Variants in SLC16A5 observed in about 807,000 individuals in gnomAD.
SLC16A5 encodes monocarboxylate transporter 6.
A neutral mutation model predicts 33.2 loss-of-function variants in SLC16A5; 29 were observed. The ratio of observed to expected loss-of-function variants is 0.87; its 90% CI spans 0.65 to 1.19. SLC16A5 has a LOEUF of 1.19. Among genes scored for constraint, SLC16A5 ranks in the 50% most tolerant of loss-of-function variants. The probability of loss-of-function intolerance (pLI) is 0.00; values close to 1 mark genes in which losing one functional copy is unlikely to be tolerated. For missense variants in SLC16A5, 606 were observed against 678.2 expected, an observed-to-expected ratio of 0.89 and a Z score of 1.18; for synonymous variants, 248 against 284.1, an observed-to-expected ratio of 0.87 and a Z score of 1.28.
At chr17:75,089,514 G>A (rs1301682498) in intron 2 of SLC16A5, among the ~76,000 whole-genome samples, 1 of 152,004 alleles carries the variant, frequency 6.6e-6, no homozygotes, top group Non-Finnish European at 1.5e-5. Context: ...CAGCACTTTG[G>A]GAGGCTGAGG....
intron 4 of SLC16A5, 97 bp from the exon 5 acceptor site, chr17:75,099,910 G>A: frequency 2.6e-6 from 3 of 1,141,818 alleles, no homozygotes; most frequent in Non-Finnish European, 3.7e-6. Context: ...TAGAACCAGA[G>A]GAGGGCAGGT....
rs557036356 is a variant in SLC16A5, at chr17:75,098,167, C to A, written c.329C>A (p.Ala110Glu). The change falls in exon 4 of 7, where the codon GCA (alanine) becomes GAA (glutamate). Residue 110 changes from alanine to glutamate, a missense_variant. Ala to Glu is a moderately radical substitution (Grantham distance 107). Transcript: ENST00000329783. Reference sequence around the variant, plus strand: ...AACCTCAGCCAGCTCTACTTCACAGCAGGATTCATCACAGGTGACTATCAC... The same window carrying A: ...AACCTCAGCCAGCTCTACTTCACAGAAGGATTCATCACAGGTGACTATCAC... ...SHNLSQLYFT[A>E]GFITGLGMCF... 2 of 1,613,132 alleles carry A rather than the reference C, an allele frequency of 1.2e-6. No individual in the cohort carries two copies. Among genetic ancestry groups the A allele is most frequent in the East Asian group, 4.5e-5 (2 of 44,756 alleles).
At chr17:75,096,610 AACCTCCACCT>A (rs2073721927) in intron 3 of SLC16A5, among the ~76,000 whole-genome samples, 1 of 148,636 alleles carries the variant, frequency 6.7e-6, no homozygotes, top group Non-Finnish European at 1.5e-5. Context: ...GGCTCACTGC[AACCTCCACCT>A]CCCGGGTTCA....
intron 6 of SLC16A5, chr17:75,104,818 C>G (rs1408324204): frequency 3.0e-6 from 3 of 985,236 alleles, no homozygotes; most frequent in Non-Finnish European, 3.6e-6. Flanking sequence ...CCTTGGGTAC[C>G]AGGGTACTCG....
rs758387023 is a variant in SLC16A5, at chr17:75,100,582, C to G, written c.919C>G (p.Leu307Val). ...GGCCTTTGCTAGCCACCGCAAGTAC[C>G]TGTTCAGCCTGGCACTCCTGCTCAA... ...RPAFASHRKY[L>V]FSLALLLNGL... is the part of the protein sequence containing the mutation. Residue 307 changes from leucine (L) to valine (V), a missense_variant, in exon 5 of 7, where the codon CTG (leucine) becomes GTG (valine). Transcript: ENST00000329783. The G allele has an allele frequency of 1.9e-6, 3 of 1,614,242 alleles. No homozygotes were observed. Among genetic ancestry groups the G allele is most frequent in the South Asian group, 2.2e-5 (2 of 91,090 alleles).
In SLC16A5 at chr17:75,105,984, C is replaced by A; in HGVS notation, c.1469C>A (p.Ala490Glu). Residue 490 changes from alanine to glutamate, a missense_variant, in exon 7 of 7, where the codon GCG becomes GAG. Transcript: ENST00000329783. ...TSHEWLLWPK[A>E]VLQAKQTALG... ...CATGAGTGGCTCTTATGGCCAAAGG[C>A]GGTACTGCAGGCCAAGCAAACGGCT... 1 of 1,608,068 alleles carries A rather than the reference C, an allele frequency of 6.2e-7. No homozygotes were observed. Among genetic ancestry groups the A allele is most frequent in the East Asian group, 2.2e-5 (1 of 44,672 alleles).
At position 75,088,004 on chromosome 17, in the gene SLC16A5, G is replaced by A. The variant is rs1042329380; in HGVS notation, c.-243G>A. On this transcript the variant is annotated 5_prime_UTR_variant, in exon 1 of 7. Transcript: ENST00000329783. ...GCCCGGGCCGCAGGACGCCGCGCTC[G>A]GGGGAGCTGAGCCACCTCTCCGCCA... 3.9e-5 allele frequency: 6 copies of A among 152,268 alleles called. No individual in the cohort carries two copies. The highest frequency in any genetic ancestry group is 8.8e-5 in the Non-Finnish European group (6 of 68,104). The allele number at this position is 152,268 out of a possible 1,614,324, so 9.4% of individuals were successfully genotyped here. A position where few individuals can be genotyped will look rare whatever the true frequency, so the allele number is the denominator to read the frequency against.
chr17:75,105,220 A>C, intron 6 of SLC16A5: 2 of 985,392 alleles, frequency 2.0e-6, no homozygotes, highest in Non-Finnish European at 2.4e-6. Context: ...AGAATCGGTG[A>C]AGTCTGAGGG....
chr17:75,092,080 C>G (rs1447829877), intron 2 of SLC16A5, among the ~76,000 whole-genome samples: 1 of 150,856 alleles, frequency 6.6e-6, no homozygotes, highest in South Asian at 2.1e-4. Flanking sequence ...CATGTCTGCA[C>G]TGTGTGTGTC....
At chr17:75,102,427 C>T (rs1348698186) in intron 5 of SLC16A5, among the ~76,000 whole-genome samples, 2 of 152,154 alleles carry the variant, frequency 1.3e-5, no homozygotes, top group Admixed American at 1.3e-4. Flanking sequence ...AAAAGGTCCC[C>T]ATCCCCTGGG....
intron 3 of SLC16A5, among the ~76,000 whole-genome samples, chr17:75,094,100 C>T (rs143330464): frequency 1.2e-4 from 18 of 152,320 alleles, no homozygotes; most frequent in Middle Eastern, 3.4e-3. Flanking sequence ...CCGACACAGG[C>T]GTAGGTGTGC....
rs199602457 is a variant in SLC16A5, at chr17:75,098,160, T to C, written c.322T>C (p.Phe108Leu). ...SFSHNLSQLYFTAGFITGLGM... is the reference protein window; with the variant it reads ...SFSHNLSQLYLTAGFITGLGM... ...CTCTCACAACCTCAGCCAGCTCTAC[T>C]TCACAGCAGGATTCATCACAGGTGA... The change falls in exon 4 of 7, where the codon TTC becomes CTC. Residue 108 changes from phenylalanine (F) to leucine (L), a missense_variant. Physicochemically the swap from Phe to Leu is conservative, Grantham distance 22 (BLOSUM62 0). Coordinates refer to ENST00000329783, the MANE Select transcript of SLC16A5 (RefSeq NM_004695.4). The C allele has an allele frequency of 1.2e-6, 2 of 1,612,918 alleles. No homozygotes were observed. The highest frequency in any genetic ancestry group is 2.7e-5 in the African/African-American group (2 of 74,940).
chr17:75,091,977 T>G (rs1008796993), intron 2 of SLC16A5, among the ~76,000 whole-genome samples: 2 of 151,938 alleles, frequency 1.3e-5, no homozygotes, highest in East Asian at 1.9e-4. Flanking sequence ...CTGGGTGGTG[T>G]TGAACTAAGA....
At chr17:75,107,840 G>C (rs2073874210), downstream of SLC16A5, among the ~76,000 whole-genome samples, 1 of 152,176 alleles carries the variant, frequency 6.6e-6, no homozygotes, top group Non-Finnish European at 1.5e-5. Context: ...AGGAGGCTGA[G>C]GCAGGAGAAT....
chr17:75,097,498 AG>A (rs2073735459), intron 3 of SLC16A5, among the ~76,000 whole-genome samples: 1 of 56,496 alleles, frequency 1.8e-5, no homozygotes, highest in African/African-American at 7.1e-5. Context: ...GGAGGCGCAG[AG>A]GGGCCCAGGG....
In SLC16A5 at chr17:75,093,728, C is replaced by G. The variant is rs2073675483; in HGVS notation, c.92C>G (p.Pro31Arg). 1.2e-6 allele frequency: 2 copies of G among 1,614,058 alleles called. No individual in the cohort carries two copies. Among genetic ancestry groups the G allele is most frequent in the Non-Finnish European group, 1.7e-6 (2 of 1,180,014 alleles). Residue 31 changes from proline (P) to arginine (R), a missense_variant, in exon 3 of 7, where the codon CCC becomes CGC. Pro to Arg is a moderately radical substitution (Grantham distance 103, BLOSUM62 -2). Coordinates refer to ENST00000329783, the MANE Select transcript of SLC16A5 (RefSeq NM_004695.4). ...ACCCAGGGCCTCACCCTGGGCTTCCCCACGTGTATCGGCATCTTCTTCACT... is the reference window on the plus strand; with the variant it reads ...ACCCAGGGCCTCACCCTGGGCTTCCGCACGTGTATCGGCATCTTCTTCACT... ...MVTQGLTLGF[P>R]TCIGIFFTEL... is the part of the protein sequence containing the mutation.
chr17:75,089,848 G>C (rs1204183999), intron 2 of SLC16A5: 2 of 151,898 alleles, frequency 1.3e-5, no homozygotes, highest in Admixed American at 1.3e-4. Flanking sequence ...ATGCTGCTAG[G>C]GCTGAATCTT....
At chr17:75,096,184 C>T (rs1043958482) in intron 3 of SLC16A5, among the ~76,000 whole-genome samples, 18 of 151,826 alleles carry the variant, frequency 1.2e-4, no homozygotes, top group South Asian at 6.2e-4. Context: ...CCCCTACCTA[C>T]GCCTTTTAGA....
chr17:75,103,179 G>T (rs1367531866), intron 5 of SLC16A5, among the ~76,000 whole-genome samples: 1 of 151,934 alleles, frequency 6.6e-6, no homozygotes, highest in East Asian at 1.9e-4. Flanking sequence ...GTGAGCCACC[G>T]CTCCCTGCCT....
Sources: allele counts gnomAD v4.1 joint callset (sites outside exome capture counted in the v4.1 genomes callset), GRCh38; gene constraint gnomAD v4.1.1; transcripts MANE v1.5; gene names NCBI Gene and HGNC (gene_info 2026-07-23, HGNC 2026-07-21).